The following HELZ variants were observed in gnomAD, a reference collection of about 807,000 sequenced individuals.
The protein encoded by HELZ is ATP-dependent RNA helicase with zinc finger domain.
In HELZ, 23 loss-of-function variants were observed where a neutral mutation model predicts 218.2. The observed-to-expected ratio is 0.11, with a 90% CI of 0.08 to 0.15. The LOEUF is 0.15. Among genes scored for constraint, HELZ ranks in the 10% least tolerant of loss-of-function variants. The pLI is 1.00. For synonymous variants in HELZ, 814 were observed against 829.4 expected (o/e 0.98, Z 0.32); for missense variants, 1,813 against 2,353.7 (o/e 0.77, Z 4.75).
chr17:67,148,729 CAT>C lies in HELZ; in HGVS notation c.2476-17_2476-16del. 1 of 1,593,626 alleles carries C rather than the reference CAT, an allele frequency of 6.3e-7. No homozygotes were observed. On this transcript the variant is annotated splice_polypyrimidine_tract_variant and intron_variant, in intron 19 of 32. Coordinates refer to ENST00000358691, the MANE Select transcript of HELZ (RefSeq NM_014877.4). ...AAAGGACTGAGCTGTAACAGACAAA[CAT>C]ACAGAGAAAGTTTAACTGAACATAC...
chr17:67,165,010 T>G (rs1210580063), intron 15 of HELZ, among the ~76,000 whole-genome samples: 1 of 152,206 alleles, frequency 6.6e-6, no homozygotes, highest in Admixed American at 6.5e-5. Context: ...AAAGCAGCAC[T>G]GGCTCTGAGA....
intron 21 of HELZ, among the ~76,000 whole-genome samples, chr17:67,138,766 T>A (rs905833073): frequency 6.6e-6 from 1 of 152,330 alleles, no homozygotes; most frequent in African/African-American, 2.4e-5. Context: ...CCACAGTTTA[T>A]GCAACTGAAT....
intron 3 of HELZ, among the ~76,000 whole-genome samples, chr17:67,235,517 AAG>A (rs956314546): frequency 1.3e-5 from 2 of 151,670 alleles, no homozygotes; most frequent in East Asian, 1.9e-4. Context: ...AAAAAAAAAA[AAG>A]AGAGAGACAA....
chr17:67,161,892 C>T (rs1004315819), intron 15 of HELZ, among the ~76,000 whole-genome samples: 8 of 151,952 alleles, frequency 5.3e-5, no homozygotes, highest in Non-Finnish European at 8.8e-5. Flanking sequence ...TCACAACTAC[C>T]GTTAAAATAC....
At chr17:67,102,244 GT>G (rs1221606513) in intron 31 of HELZ, among the ~76,000 whole-genome samples, 1 of 152,160 alleles carries the variant, frequency 6.6e-6, no homozygotes, top group Non-Finnish European at 1.5e-5. Context: ...GAGAGAAATT[GT>G]TTCAAGTTTT....
Position 67,109,246 on chromosome 17 carries a change from C to T in HELZ, c.4359G>A (p.Gln1453=). The T allele has an allele frequency of 6.2e-7, 1 of 1,614,144 alleles. No homozygotes were observed. The highest frequency in any genetic ancestry group is 8.5e-7 in the Non-Finnish European group (1 of 1,180,030). ...PPAEAVIPEQ[Q]PPPMLQEGHS... ...GGCCTTCTTGCAGCATGGGAGGGGG[C>T]TGCTGCTCCGGAATTACAGCTTCTG... The change falls in exon 29 of 33, where the codon CAG becomes CAA. Residue 1453 remains glutamine (Q), a synonymous_variant. Coordinates refer to ENST00000358691, the MANE Select transcript of HELZ (RefSeq NM_014877.4).
Position 67,107,191 on chromosome 17 carries a change from G to C in HELZ, c.5219C>G (p.Ser1740Cys). Residue 1740 changes from serine (S) to cysteine (C), a missense_variant, in exon 31 of 33, where the codon TCT (serine) becomes TGT (cysteine). Ser to Cys is a moderately radical substitution (Grantham distance 112). Coordinates refer to ENST00000358691, the MANE Select transcript of HELZ (RefSeq NM_014877.4). ...HPLSSRTVSS[S>C]SLPSLEEYEP... ...TACCTCTTCTAAGCTAGGGAGCGAAGAAGAAGATACTGTTCGAGATGACAA... is the reference window on the plus strand; with the variant it reads ...TACCTCTTCTAAGCTAGGGAGCGAACAAGAAGATACTGTTCGAGATGACAA... 1 of 1,613,338 alleles carries C rather than the reference G, an allele frequency of 6.2e-7. No individual in the cohort carries two copies. Among genetic ancestry groups the C allele is most frequent in the Non-Finnish European group, 8.5e-7 (1 of 1,179,606 alleles).
chr17:67,189,525 G>A, intron 11 of HELZ, 64 bp downstream of exon 11: 1 of 989,070 alleles, frequency 1.0e-6, no homozygotes, highest in Non-Finnish European at 1.6e-6. Context: ...GAGATTCAAA[G>A]GTCAAAAAAA....
At chr17:67,172,811 G>C (rs1346852284) in intron 13 of HELZ, among the ~76,000 whole-genome samples, 4 of 152,138 alleles carry the variant, frequency 2.6e-5, no homozygotes, top group Admixed American at 6.6e-5. Flanking sequence ...TCGCCATGTT[G>C]CCGAGGCTGG....
rs754429326 is a variant in HELZ, at chr17:67,232,052, C to CAAAAAA, written c.-19+7375_-19+7380dup. On this transcript the variant is annotated intron_variant, in intron 3 of 32. Coordinates refer to ENST00000358691, the MANE Select transcript of HELZ (RefSeq NM_014877.4). ...TGGGACAAAGAGCAAGACTCCATCT[C>CAAAAAA]AAAAAAAAAAAAAAAAAAAAAAAGT... Among the ~76,000 whole-genome samples the CAAAAAA allele has an allele frequency of 2.5e-3, 106 of 42,448 alleles. 1 individual carries two copies. Among genetic ancestry groups the CAAAAAA allele is most frequent in the African/African-American group, 6.9e-3 (101 of 14,620 alleles). The allele number at this position is 42,448 out of a possible 152,430, so 27.8% of individuals were successfully genotyped here.
chr17:67,108,390 C>A lies in HELZ; in HGVS notation c.4724+102G>T. On this transcript the variant is annotated intron_variant, in intron 30 of 32. Transcript: ENST00000358691. This position sits in a 1 kb window ranked among gnomAD's most constrained non-coding sequence, Gnocchi z 4.1. ...TGCTTGGAAGGCCAGCATCCAATTT[C>A]TCTGAGGCAATATTCCAGCTTGAAG... 1.2e-6 allele frequency: 1 copy of A among 841,472 alleles called. No homozygotes were observed. The highest frequency in any genetic ancestry group is 3.4e-4 in the Middle Eastern group (1 of 2,984). The allele number at this position is 841,472 out of a possible 1,614,324, so 52.1% of individuals were successfully genotyped here. A position where few individuals can be genotyped will look rare whatever the true frequency, so the allele number is the denominator to read the frequency against.
At chr17:67,206,921 GTT>G (rs1216610321) in intron 5 of HELZ, among the ~76,000 whole-genome samples, 2 of 131,846 alleles carry the variant, frequency 1.5e-5, no homozygotes, top group African/African-American at 5.7e-5. Context: ...GTTTTTTTGG[GTT>G]TTTTTTGAGA....
In HELZ at chr17:67,072,949, C is replaced by A. The variant is rs1346696489; in HGVS notation, c.*5303G>T. ...AAATGCAAATCATCAGGCTCCAGACCAAAATCAGAAATGCTGGGGGTGGGT... is the reference window on the plus strand; with the variant it reads ...AAATGCAAATCATCAGGCTCCAGACAAAAATCAGAAATGCTGGGGGTGGGT... On this transcript the variant is annotated 3_prime_UTR_variant, in exon 33 of 33. Transcript: ENST00000358691. The A allele has an allele frequency of 6.6e-6, 1 of 152,198 alleles. No individual in the cohort carries two copies. The highest frequency in any genetic ancestry group is 1.9e-4 in the East Asian group (1 of 5,196). 9.4% of individuals were successfully genotyped at this position (152,198 alleles called of 1,614,324 possible). A position where few individuals can be genotyped will look rare whatever the true frequency, so the allele number is the denominator to read the frequency against.
intron 31 of HELZ, among the ~76,000 whole-genome samples, chr17:67,090,702 C>A (rs2036550732): frequency 6.6e-6 from 1 of 152,100 alleles, no homozygotes; most frequent in Non-Finnish European, 1.5e-5. Context: ...ACCATCCTTT[C>A]AATGTCTACT....
chr17:67,211,415 T>C (rs2040447547), intron 5 of HELZ, among the ~76,000 whole-genome samples: 1 of 152,214 alleles, frequency 6.6e-6, no homozygotes, highest in African/African-American at 2.4e-5. Flanking sequence ...TAGGGATAAA[T>C]GTCATGATGT....
intron 13 of HELZ, among the ~76,000 whole-genome samples, 194 bp from the exon 14 acceptor site, chr17:67,167,990 T>G (rs558646123): frequency 3.9e-5 from 6 of 152,152 alleles, no homozygotes; most frequent in Non-Finnish European, 7.4e-5. Flanking sequence ...AATTTTTTTT[T>G]TTGTTTTTTT....
intron 3 of HELZ, among the ~76,000 whole-genome samples, chr17:67,219,445 A>G (rs1450737137): frequency 1.3e-5 from 2 of 152,240 alleles, no homozygotes; most frequent in African/African-American, 2.4e-5. Context: ...GCAAAGCACA[A>G]ATGAACAATT....
chr17:67,237,284 C>G (rs1031282526), intron 3 of HELZ, among the ~76,000 whole-genome samples: 1 of 151,416 alleles, frequency 6.6e-6, no homozygotes, highest in Non-Finnish European at 1.5e-5. Context: ...GACTCTGTCT[C>G]GAAAAAAAAC....
intron 23 of HELZ, among the ~76,000 whole-genome samples, chr17:67,134,131 C>T (rs1399432232): frequency 1.3e-5 from 2 of 152,188 alleles, no homozygotes; most frequent in Non-Finnish European, 2.9e-5. Context: ...CGCCTGTAAT[C>T]CTAGCAATTT....
Sources: allele counts gnomAD v4.1 joint callset (sites outside exome capture counted in the v4.1 genomes callset), GRCh38; gene constraint gnomAD v4.1.1; non-coding constraint Gnocchi (gnomAD v3.1); transcripts MANE v1.5; gene names NCBI Gene and HGNC (gene_info 2026-07-23, HGNC 2026-07-21).